The following ROBO1 variants were observed in gnomAD, a reference collection of about 807,000 sequenced individuals.
ROBO1 encodes the protein roundabout guidance receptor 1.
Under a neutral mutation model 195.9 loss-of-function variants are expected in ROBO1, and 149 were observed. The observed-to-expected ratio is 0.76, with a 90% CI of 0.67 to 0.87. ROBO1 has a LOEUF of 0.87. Among genes scored for constraint, ROBO1 ranks in the 40% least tolerant of loss-of-function variants. The probability of loss-of-function intolerance (pLI) is 0.00; values close to 1 mark genes in which losing one functional copy is unlikely to be tolerated. For missense variants in ROBO1, 1,933 were observed against 2,068.3 expected, an observed-to-expected ratio of 0.93 and a Z score of 1.27; for synonymous variants, 816 against 733.2, an observed-to-expected ratio of 1.11 and a Z score of -1.82.
chr3:79,462,418 A>G lies in ROBO1; in HGVS notation c.88+127406T>C, dbSNP rs148926132. Among the ~76,000 whole-genome samples the G allele has an allele frequency of 1.8e-4, 27 of 152,330 alleles. 1 individual carries two copies. The East Asian group carries it at 5.2e-3, about 29-fold the overall frequency. On this transcript the variant is annotated intron_variant, in intron 2 of 30. Transcript: ENST00000464233. ...TGTAAAGTTTTTATTTTGTTCTATT[A>G]CTTGTATAGTAGATTTTAAGAAATC...
At chr3:79,475,985 G>C (rs868218121) in intron 2 of ROBO1, among the ~76,000 whole-genome samples, 1 of 151,898 alleles carries the variant, frequency 6.6e-6, no homozygotes, top group Non-Finnish European at 1.5e-5. Flanking sequence ...AAAATAAATG[G>C]AGTTAAAATG....
chr3:78,814,736 A>G (rs938270707), intron 4 of ROBO1, among the ~76,000 whole-genome samples: 2 of 152,120 alleles, frequency 1.3e-5, no homozygotes, highest in African/African-American at 4.8e-5. Context: ...CTACCAATTC[A>G]CGGTTGGTTT....
chr3:78,919,860 T>A (rs1034134765), intron 4 of ROBO1, among the ~76,000 whole-genome samples: 35 of 152,340 alleles, frequency 2.3e-4, no homozygotes, highest in Middle Eastern at 3.4e-3. Context: ...AGTATACTAA[T>A]CTTGTGATAA....
intron 4 of ROBO1, among the ~76,000 whole-genome samples, chr3:78,907,602 G>A (rs1412257048): frequency 2.6e-5 from 4 of 151,938 alleles, no homozygotes; most frequent in Non-Finnish European, 4.4e-5. Flanking sequence ...GATAAACAAG[G>A]GATGGCAATT....
chr3:79,588,603 A>G (rs1943902165), intron 2 of ROBO1, among the ~76,000 whole-genome samples: 1 of 151,676 alleles, frequency 6.6e-6, no homozygotes, highest in African/African-American at 2.4e-5. Flanking sequence ...ATTTGTACCT[A>G]TATTTGCATT....
chr3:79,351,794 C>CT (rs1339330372), intron 2 of ROBO1, among the ~76,000 whole-genome samples: 7 of 150,806 alleles, frequency 4.6e-5, no homozygotes, highest in Admixed American at 6.6e-5. Context: ...TTCTTTCTTT[C>CT]TTTTTTTTTC....
chr3:79,230,390 G>A (rs965062085), intron 2 of ROBO1, among the ~76,000 whole-genome samples: 10 of 151,932 alleles, frequency 6.6e-5, no homozygotes, highest in Admixed American at 1.3e-4. Context: ...AGATTGCTGC[G>A]GTGATAGCTT....
At chr3:78,858,120 G>A (rs1449199246) in intron 4 of ROBO1, among the ~76,000 whole-genome samples, 2 of 152,072 alleles carry the variant, frequency 1.3e-5, no homozygotes, top group African/African-American at 4.8e-5. Context: ...ATTAAACAGC[G>A]AGGAGTAGGG....
intron 25 of ROBO1, among the ~76,000 whole-genome samples, chr3:78,629,851 T>G (rs999676734): frequency 1.3e-5 from 2 of 152,306 alleles, no homozygotes; most frequent in Non-Finnish European, 1.5e-5. Flanking sequence ...GATGTGCATG[T>G]TCCCAGCTGA....
intron 2 of ROBO1, among the ~76,000 whole-genome samples, chr3:79,292,609 CCTTTT>C (rs2032320999): frequency 6.6e-6 from 1 of 152,058 alleles, no homozygotes; most frequent in Non-Finnish European, 1.5e-5. Flanking sequence ...TTATTGAAGG[CCTTTT>C]CTTTATCTAT....
chr3:78,958,253 A>C (rs1385039400), intron 3 of ROBO1, among the ~76,000 whole-genome samples: 5 of 152,216 alleles, frequency 3.3e-5, no homozygotes, highest in Non-Finnish European at 7.4e-5. Flanking sequence ...TACGAAGACT[A>C]GTAACTGGTC....
At chr3:78,754,198 A>C (rs2082870356) in intron 4 of ROBO1, among the ~76,000 whole-genome samples, 1 of 152,196 alleles carries the variant, frequency 6.6e-6, no homozygotes, top group African/African-American at 2.4e-5. Context: ...TTACATCTGC[A>C]AAGAAGTATT....
At chr3:78,950,891 T>C (rs1036743136) in intron 3 of ROBO1, among the ~76,000 whole-genome samples, 4 of 151,900 alleles carry the variant, frequency 2.6e-5, no homozygotes, top group African/African-American at 9.7e-5. Context: ...TGAGTAAATA[T>C]CCTTACATGA....
At position 79,506,048 on chromosome 3, in the gene ROBO1, C is replaced by A. The variant is rs557296531; in HGVS notation, c.88+83776G>T. Among the ~76,000 whole-genome samples the A allele has an allele frequency of 7.9e-5, 12 of 152,236 alleles. No individual in the cohort carries two copies. The South Asian group carries it at 2.5e-3, about 32-fold the overall frequency. On this transcript the variant is annotated intron_variant, in intron 2 of 30. Coordinates refer to ENST00000464233, the MANE Select transcript of ROBO1 (RefSeq NM_002941.4). ...TAATGTTAAGCCTGGACTGGAAATA[C>A]ACCTAGACAACATCTTATCTGAATG...
intron 2 of ROBO1, among the ~76,000 whole-genome samples, chr3:79,299,387 G>A (rs2032769278): frequency 6.6e-6 from 1 of 152,112 alleles, no homozygotes; most frequent in Admixed American, 6.5e-5. Context: ...GGCTTATTGG[G>A]AACTATGAAG....
chr3:78,873,741 A>C (rs942501014), intron 4 of ROBO1, among the ~76,000 whole-genome samples: 1 of 152,136 alleles, frequency 6.6e-6, no homozygotes, highest in African/African-American at 2.4e-5. Context: ...AAAGTTGAAG[A>C]GTTAATGAAT....
chr3:78,659,845 G>C, intron 16 of ROBO1, 38 bp from the exon 17 acceptor site: 1 of 1,552,934 alleles, frequency 6.4e-7, no homozygotes, highest in Non-Finnish European at 8.7e-7. Context: ...ATTAGAATGT[G>C]CTAGAGAACA....
At chr3:79,622,118 A>G (rs988758112) in intron 1 of ROBO1, among the ~76,000 whole-genome samples, 2 of 152,074 alleles carry the variant, frequency 1.3e-5, no homozygotes, top group Non-Finnish European at 2.9e-5. Flanking sequence ...CAGGGGAGCC[A>G]CCTCTCCACA....
intron 4 of ROBO1, among the ~76,000 whole-genome samples, chr3:78,774,913 T>A (rs1213491236): frequency 2.0e-5 from 3 of 152,192 alleles, no homozygotes; most frequent in Non-Finnish European, 4.4e-5. Flanking sequence ...ATATATTAAG[T>A]CAATATCCAC....
Sources: allele counts gnomAD v4.1 joint callset (sites outside exome capture counted in the v4.1 genomes callset), GRCh38; gene constraint gnomAD v4.1.1; transcripts MANE v1.5; gene names NCBI Gene and HGNC (gene_info 2026-07-23, HGNC 2026-07-21).